Variants in C18orf63 observed in about 807,000 individuals in gnomAD.
C18orf63 encodes the protein uncharacterized protein C18orf63.
Under a neutral mutation model 75.3 loss-of-function variants are expected in C18orf63, and 50 were observed. The ratio of observed to expected loss-of-function variants is 0.66; its 90% CI spans 0.53 to 0.84. C18orf63 has a LOEUF of 0.84. Ranked by LOEUF, C18orf63 falls within the 40% of genes least tolerant of loss-of-function variation. C18orf63 has a pLI of 0.00. For missense variants in C18orf63, 732 were observed against 800.2 expected (o/e 0.91, Z 1.03); for synonymous variants, 232 against 267.6 (o/e 0.87, Z 1.30).
rs1984801181 is a variant in C18orf63 at position 74,358,121 on chromosome 18, A to G, written c.*1674A>G. ...TATTATTACACTGAGCAAAATAATGAAAACCATACATCCACTGCTGAAGTG... is the reference window on the plus strand; with the variant it reads ...TATTATTACACTGAGCAAAATAATGGAAACCATACATCCACTGCTGAAGTG... On this transcript the variant is annotated 3_prime_UTR_variant, in exon 14 of 14. Coordinates refer to ENST00000579455, the MANE Select transcript of C18orf63 (RefSeq NM_001174123.2). 6.6e-6 allele frequency: 1 copy of G among 152,194 alleles called. No homozygotes were observed. The highest frequency in any genetic ancestry group is 1.5e-5 in the Non-Finnish European group (1 of 68,030). 9.4% of individuals were successfully genotyped at this position (152,194 alleles called of 1,614,324 possible).
chr18:74,329,715 T>C (rs2145119673), intron 6 of C18orf63, among the ~76,000 whole-genome samples: 1 of 152,330 alleles, frequency 6.6e-6, no homozygotes, highest in East Asian at 1.9e-4. Context: ...TAGGATTCAT[T>C]TTCTCCTTAA....
chr18:74,331,165 T>G (rs750261318), intron 7 of C18orf63, among the ~76,000 whole-genome samples: 3 of 152,160 alleles, frequency 2.0e-5, no homozygotes, highest in Admixed American at 6.5e-5. Flanking sequence ...GGTCTTCATA[T>G]TATTCCTTTG....
In C18orf63 at chr18:74,358,247, T is replaced by C. The variant is rs1340317682; in HGVS notation, c.*1800T>C. ...GAATATATAGTATAGTACTTGAGTT[T>C]AGATCAATGTTAACCTACATGGCAA... On this transcript the variant is annotated 3_prime_UTR_variant, in exon 14 of 14. Coordinates refer to ENST00000579455, the MANE Select transcript of C18orf63 (RefSeq NM_001174123.2). 1 of 151,582 alleles carries C rather than the reference T, an allele frequency of 6.6e-6. No individual in the cohort carries two copies. Among genetic ancestry groups the C allele is most frequent in the Non-Finnish European group, 1.5e-5 (1 of 67,954 alleles). 9.4% of individuals were successfully genotyped at this position (151,582 alleles called of 1,614,324 possible). A position where few individuals can be genotyped will look rare whatever the true frequency, so the allele number is the denominator to read the frequency against.
chr18:74,326,387 G>A (rs7241933), intron 4 of C18orf63, among the ~76,000 whole-genome samples: 126,365 of 152,198 alleles, frequency 0.83, 52,981 homozygotes, highest in African/African-American at 0.95. Flanking sequence ...ATGTTTATAT[G>A]CCAAACAGCC....
chr18:74,340,595 G>T (rs1290185307), intron 8 of C18orf63, among the ~76,000 whole-genome samples: 1 of 152,154 alleles, frequency 6.6e-6, no homozygotes. Context: ...CCAAGATGTG[G>T]AATCAACCTA....
At chr18:74,349,806 C>A (rs1451746052) in intron 11 of C18orf63, among the ~76,000 whole-genome samples, 1 of 152,188 alleles carries the variant, frequency 6.6e-6, no homozygotes, top group Non-Finnish European at 1.5e-5. Context: ...GCTGCTAACT[C>A]TGTAACTGAA....
At chr18:74,323,169 A>T (rs1183755971) in intron 4 of C18orf63, among the ~76,000 whole-genome samples, 1 of 152,190 alleles carries the variant, frequency 6.6e-6, no homozygotes, top group Non-Finnish European at 1.5e-5. Context: ...AGTGGTTAGT[A>T]TTCATTTACT....
chr18:74,316,858 A>C (rs527917189), intron 1 of C18orf63, among the ~76,000 whole-genome samples: 13 of 152,220 alleles, frequency 8.5e-5, no homozygotes, highest in Non-Finnish European at 1.8e-4. Context: ...TAATTCTAAT[A>C]AATTCATGCT....
rs751089531 is a variant in C18orf63 at position 74,330,878 on chromosome 18, A to G, written c.437A>G (p.Asn146Ser). 11 of 1,402,454 alleles carry G rather than the reference A, an allele frequency of 7.8e-6. No homozygotes were observed. The highest frequency in any genetic ancestry group is 2.2e-5 in the Admixed American group (1 of 45,116). 86.9% of individuals were successfully genotyped at this position (1,402,454 alleles called of 1,614,324 possible). Residue 146 changes from asparagine to serine, a missense_variant, in exon 7 of 14, where the codon AAT becomes AGT. By Grantham distance (46) the Asn-to-Ser change is conservative. Transcript: ENST00000579455. ...ATTTTATTTTCAGTATTAAACATCA[A>G]TGTAACAGAAACTCAAGTTTGTCTA... ...GKQSAVVLNINVTETQVCLSI... is the reference protein window; with the variant it reads ...GKQSAVVLNISVTETQVCLSI...
chr18:74,341,745 G>T (rs1266969531), intron 8 of C18orf63, among the ~76,000 whole-genome samples: 1 of 151,160 alleles, frequency 6.6e-6, no homozygotes, highest in Admixed American at 6.6e-5. Context: ...AAAAAAAAAA[G>T]TATGTGAGTA....
At chr18:74,345,178 G>A (rs1984552723) in intron 11 of C18orf63, among the ~76,000 whole-genome samples, 3 of 151,612 alleles carry the variant, frequency 2.0e-5, no homozygotes, top group Non-Finnish European at 4.4e-5. Context: ...TTGGCCATTT[G>A]GATTTTTTTT....
At chr18:74,318,556 C>T (rs1019073186) in intron 2 of C18orf63, among the ~76,000 whole-genome samples, 1 of 152,016 alleles carries the variant, frequency 6.6e-6, no homozygotes, top group Non-Finnish European at 1.5e-5. Flanking sequence ...TTTGGGAGGC[C>T]AAGGTGAGCG....
At chr18:74,342,747 G>A (rs1054770318) in intron 10 of C18orf63, among the ~76,000 whole-genome samples, 4 of 152,116 alleles carry the variant, frequency 2.6e-5, no homozygotes, top group Middle Eastern at 6.8e-3. Context: ...GCAAATTTTC[G>A]ATGATTTGAC....
chr18:74,340,935 C>T (rs945754010), intron 8 of C18orf63, among the ~76,000 whole-genome samples: 1 of 151,990 alleles, frequency 6.6e-6, no homozygotes, highest in Non-Finnish European at 1.5e-5. Flanking sequence ...TTCAAAAGAT[C>T]TGTTGTACAG....
At chr18:74,320,633 G>C (rs938755256) in intron 3 of C18orf63, 42 bp downstream of exon 3, 35 of 1,122,592 alleles carry the variant, frequency 3.1e-5, no homozygotes, top group Non-Finnish European at 4.3e-5. Context: ...TACTAGTTGA[G>C]AACAATATTG....
chr18:74,326,592 C>T (rs1026141907), intron 4 of C18orf63, among the ~76,000 whole-genome samples: 6 of 152,230 alleles, frequency 3.9e-5, no homozygotes, highest in African/African-American at 1.2e-4. Flanking sequence ...CTGGCCTGTT[C>T]CTAGGTTCCC....
At chr18:74,349,906 T>G (rs895407826) in intron 11 of C18orf63, among the ~76,000 whole-genome samples, 2 of 152,228 alleles carry the variant, frequency 1.3e-5, no homozygotes, top group East Asian at 3.8e-4. Flanking sequence ...TGAGTGCATC[T>G]GATTGGCTGG....
intron 3 of C18orf63, among the ~76,000 whole-genome samples, chr18:74,322,134 C>T (rs1360018217): frequency 6.6e-6 from 1 of 152,156 alleles, no homozygotes; most frequent in Non-Finnish European, 1.5e-5. Flanking sequence ...GCTTGTAATA[C>T]ACTTTAAACT....
At chr18:74,355,907 A>G (rs992565765) in intron 13 of C18orf63, among the ~76,000 whole-genome samples, 19 of 152,166 alleles carry the variant, frequency 1.2e-4, no homozygotes, top group Non-Finnish European at 2.5e-4. Context: ...CCTGCCAGAA[A>G]TATTAGCTGG....
Sources: allele counts gnomAD v4.1 joint callset (sites outside exome capture counted in the v4.1 genomes callset), GRCh38; gene constraint gnomAD v4.1.1; transcripts MANE v1.5; gene names NCBI Gene and HGNC (gene_info 2026-07-23, HGNC 2026-07-21).